The following PGCKA1 variants were observed in gnomAD, a reference collection of about 807,000 sequenced individuals.
PGCKA1 encodes the protein PDCD10 and GCKIII kinases associated 1, also known as PDCD10 and GCKIII kinases-associated protein 1.
the PGCKA1 span, among the ~76,000 whole-genome samples, chr4:37,572,056 T>TCTTTTTCTTTTTC: frequency 8.7e-6 from 1 of 115,106 alleles, no homozygotes; most frequent in Non-Finnish European, 1.8e-5. Context: ...ACCTTTTTTT[T>TCTTTTTCTTTTTC]TTTTTTCTTT....
the PGCKA1 span, among the ~76,000 whole-genome samples, chr4:37,489,619 G>A: frequency 6.6e-6 from 1 of 152,122 alleles, no homozygotes; most frequent in East Asian, 1.9e-4. Flanking sequence ...TGACTCTGAG[G>A]TATGGTTCTG....
chr4:37,528,216 A>G, the PGCKA1 span, among the ~76,000 whole-genome samples: 1 of 152,192 alleles, frequency 6.6e-6, no homozygotes, highest in African/African-American at 2.4e-5. Context: ...AAGTATTGTA[A>G]TATTTGACCC....
chr4:37,568,147 G>T, the PGCKA1 span, among the ~76,000 whole-genome samples: 4 of 152,326 alleles, frequency 2.6e-5, no homozygotes, highest in African/African-American at 7.2e-5. Context: ...CACAGGGCCG[G>T]CAAGGCCAGC....
chr4:37,512,454 C>CTAT, the PGCKA1 span, among the ~76,000 whole-genome samples: 5 of 126,968 alleles, frequency 3.9e-5, no homozygotes, highest in African/African-American at 1.5e-4. Context: ...GTGTTGATTT[C>CTAT]TTTTTTTTTT....
chr4:37,508,511 C>A, the PGCKA1 span, among the ~76,000 whole-genome samples: 1 of 141,690 alleles, frequency 7.1e-6, no homozygotes, highest in Non-Finnish European at 1.5e-5. Context: ...ATGCATTCTT[C>A]AGTATGTTGG....
At chr4:37,562,455 G>A in the PGCKA1 span, among the ~76,000 whole-genome samples, 1 of 152,188 alleles carries the variant, frequency 6.6e-6, no homozygotes, top group Non-Finnish European at 1.5e-5. Flanking sequence ...TAAAAAGATC[G>A]TGACTCCTTT....
the PGCKA1 span, among the ~76,000 whole-genome samples, chr4:37,550,894 A>G: frequency 2.6e-5 from 4 of 152,172 alleles, no homozygotes; most frequent in African/African-American, 4.8e-5. Flanking sequence ...CACCCTGACA[A>G]TTTTTAGGTT....
At chr4:37,501,059 C>A in the PGCKA1 span, among the ~76,000 whole-genome samples, 1 of 152,144 alleles carries the variant, frequency 6.6e-6, no homozygotes, top group Non-Finnish European at 1.5e-5. Flanking sequence ...GGTCTTGCTT[C>A]CTTCTCCAGC....
At chr4:37,524,441 C>T in the PGCKA1 span, among the ~76,000 whole-genome samples, 1 of 152,338 alleles carries the variant, frequency 6.6e-6, no homozygotes, top group East Asian at 1.9e-4. Flanking sequence ...AGGGCCTCAC[C>T]ACAGGGCTCC....
the PGCKA1 span, among the ~76,000 whole-genome samples, chr4:37,481,623 A>G: frequency 6.6e-6 from 1 of 151,898 alleles, no homozygotes; most frequent in African/African-American, 2.4e-5. Context: ...TGTTGTCTGC[A>G]TGTTCTAATC....
At chr4:37,484,883 T>G in the PGCKA1 span, among the ~76,000 whole-genome samples, 77 of 152,342 alleles carry the variant, frequency 5.1e-4, no homozygotes, top group African/African-American at 1.8e-3. Flanking sequence ...TAAATTTGTC[T>G]TGTTCATCAG....
the PGCKA1 span, among the ~76,000 whole-genome samples, chr4:37,464,010 C>A: frequency 6.6e-6 from 1 of 152,058 alleles, no homozygotes; most frequent in Admixed American, 6.5e-5. Flanking sequence ...TACACCCGCG[C>A]CCATAAGTCA....
At chr4:37,519,210 G>A in the PGCKA1 span, among the ~76,000 whole-genome samples, 2 of 151,956 alleles carry the variant, frequency 1.3e-5, no homozygotes, top group Non-Finnish European at 2.9e-5. Context: ...GATTTCTCCA[G>A]TTTTGTTCTT....
the PGCKA1 span, among the ~76,000 whole-genome samples, chr4:37,517,944 C>T: frequency 6.6e-6 from 1 of 152,170 alleles, no homozygotes; most frequent in African/African-American, 2.4e-5. Flanking sequence ...GATAACCATC[C>T]TTCTATGCTC....
At chr4:37,554,921 A>G in the PGCKA1 span, among the ~76,000 whole-genome samples, 14 of 152,156 alleles carry the variant, frequency 9.2e-5, no homozygotes, top group Admixed American at 8.5e-4. Context: ...CGTATTGTAG[A>G]AGGCCTTGAA....
the PGCKA1 span, among the ~76,000 whole-genome samples, chr4:37,573,085 A>AGT: frequency 6.6e-6 from 1 of 152,232 alleles, no homozygotes; most frequent in Admixed American, 6.5e-5. Context: ...TTTCAAAGTA[A>AGT]GTTGTGGACC....
the PGCKA1 span, among the ~76,000 whole-genome samples, chr4:37,570,538 C>G: frequency 8.3e-3 from 1,246 of 149,914 alleles, 20 homozygotes; most frequent in African/African-American, 0.028. Context: ...TCTCTAGTTT[C>G]TTCTATAAAG....
the PGCKA1 span, among the ~76,000 whole-genome samples, chr4:37,547,065 T>A: frequency 6.6e-6 from 1 of 152,158 alleles, no homozygotes; most frequent in African/African-American, 2.4e-5. Flanking sequence ...CTTGGGAACT[T>A]GCCCACTCCA....
the PGCKA1 span, among the ~76,000 whole-genome samples, chr4:37,499,546 A>G: frequency 6.6e-6 from 1 of 152,202 alleles, no homozygotes; most frequent in Non-Finnish European, 1.5e-5. Flanking sequence ...GGCTGTGTCC[A>G]GGAATTTATC....
Sources: gnomAD v4.1 joint callset for allele counts (sites outside exome capture counted in the v4.1 genomes callset) on GRCh38, gnomAD v4.1.1 for gene constraint, MANE v1.5 for transcripts, NCBI Gene and HGNC (gene_info 2026-07-23, HGNC 2026-07-21) for gene names.